DLG2: variants seen among roughly 807,000 people sequenced by gnomAD.
The protein encoded by DLG2 is discs large MAGUK scaffold protein 2.
A neutral mutation model predicts 132.5 loss-of-function variants in DLG2; 45 were observed. The observed-to-expected ratio is 0.34, with a 90% confidence interval of 0.27 to 0.44. The LOEUF (loss-of-function observed/expected upper bound fraction) is 0.44. DLG2 is among the 20% of genes least tolerant of loss of function. DLG2 has a pLI of 1.00. For missense variants in DLG2, 1,045 were observed against 1,196.9 expected (o/e 0.87, Z 1.87); for synonymous variants, 424 against 419.6 (o/e 1.01, Z -0.13).
At chr11:83,964,766 C>T (rs2089793170) in intron 13 of DLG2, among the ~76,000 whole-genome samples, 1 of 151,856 alleles carries the variant, frequency 6.6e-6, no homozygotes, top group Non-Finnish European at 1.5e-5. Flanking sequence ...TGCAGAAGTC[C>T]CACTTCCAGC....
At chr11:84,430,112 C>G (rs2098979618) in intron 7 of DLG2, among the ~76,000 whole-genome samples, 1 of 152,026 alleles carries the variant, frequency 6.6e-6, no homozygotes, top group South Asian at 2.1e-4. Context: ...TGGCAAAATC[C>G]CATAACATCT....
At chr11:85,608,690 C>G (rs1053608156) in intron 2 of DLG2, among the ~76,000 whole-genome samples, 9 of 152,068 alleles carry the variant, frequency 5.9e-5, no homozygotes, top group African/African-American at 1.4e-4. Context: ...CCCCTTCAAG[C>G]TGTAGGGGGT....
At chr11:85,390,252 A>G (rs572969134) in intron 3 of DLG2, among the ~76,000 whole-genome samples, 3 of 152,214 alleles carry the variant, frequency 2.0e-5, no homozygotes, top group South Asian at 2.1e-4. Flanking sequence ...GTTGAAAAAA[A>G]AAGGAGAGAC....
At chr11:83,881,878 T>G (rs574209698) in intron 15 of DLG2, among the ~76,000 whole-genome samples, 2 of 152,354 alleles carry the variant, frequency 1.3e-5, no homozygotes, top group African/African-American at 4.8e-5. Flanking sequence ...GCCTTGTCTC[T>G]ATCAAGAGTA....
intron 18 of DLG2, among the ~76,000 whole-genome samples, chr11:83,666,101 AAT>A (rs2075481127): frequency 6.6e-6 from 1 of 152,188 alleles, no homozygotes. Flanking sequence ...CTCATTATTC[AAT>A]AGTTTTTTAT....
At chr11:83,865,459 A>G (rs113607732) in intron 16 of DLG2, among the ~76,000 whole-genome samples, 1 of 151,432 alleles carries the variant, frequency 6.6e-6, no homozygotes. Context: ...TGAACAGCGA[A>G]AAAAAAAAGA....
intron 7 of DLG2, among the ~76,000 whole-genome samples, chr11:84,359,475 G>A (rs890309789): frequency 6.6e-6 from 1 of 151,850 alleles, no homozygotes; most frequent in Non-Finnish European, 1.5e-5. Context: ...AATATTTGCT[G>A]TTATTAGCAA....
At chr11:84,305,017 G>T (rs2098199968) in intron 7 of DLG2, among the ~76,000 whole-genome samples, 1 of 152,084 alleles carries the variant, frequency 6.6e-6, no homozygotes, top group Non-Finnish European at 1.5e-5. Flanking sequence ...TTTTTAAAAT[G>T]TAGTGCCTTT....
chr11:83,937,008 T>C (rs1446652597), intron 14 of DLG2, among the ~76,000 whole-genome samples: 2 of 152,218 alleles, frequency 1.3e-5, no homozygotes, highest in Non-Finnish European at 2.9e-5. Flanking sequence ...ATATGTCCTA[T>C]ACTAGTGTTT....
At chr11:84,865,954 G>A (rs1600227361) in intron 6 of DLG2, among the ~76,000 whole-genome samples, 1 of 152,204 alleles carries the variant, frequency 6.6e-6, no homozygotes, top group Non-Finnish European at 1.5e-5. Flanking sequence ...CTTAGAATCT[G>A]CTACAGGCTG....
chr11:85,222,447 A>G (rs2074709565), intron 4 of DLG2, among the ~76,000 whole-genome samples: 4 of 152,230 alleles, frequency 2.6e-5, no homozygotes, highest in Admixed American at 6.5e-5. Flanking sequence ...CAGTCTAAAA[A>G]GAGGGAATTT....
At chr11:84,037,532 G>C (rs1052781462) in intron 11 of DLG2, among the ~76,000 whole-genome samples, 1 of 152,048 alleles carries the variant, frequency 6.6e-6, no homozygotes, top group African/African-American at 2.4e-5. Flanking sequence ...GTAAAAAACT[G>C]TATTTCAAGA....
chr11:83,773,177 G>C (rs552874301), intron 18 of DLG2, among the ~76,000 whole-genome samples: 1 of 152,254 alleles, frequency 6.6e-6, no homozygotes, highest in South Asian at 2.1e-4. Context: ...AGAGCATCTG[G>C]GTGCAAGTTT....
chr11:83,581,709 T>G (rs764687254), intron 19 of DLG2, among the ~76,000 whole-genome samples: 1 of 152,152 alleles, frequency 6.6e-6, no homozygotes, highest in African/African-American at 2.4e-5. Flanking sequence ...ACATTGAATC[T>G]GGAGTGTGCC....
chr11:84,913,829 T>C (rs2092283933), intron 6 of DLG2, among the ~76,000 whole-genome samples: 1 of 152,244 alleles, frequency 6.6e-6, no homozygotes, highest in South Asian at 2.1e-4. Flanking sequence ...TTAAAACTGA[T>C]TCATTAGTTT....
At chr11:84,564,846 C>T (rs1276620799) in intron 6 of DLG2, among the ~76,000 whole-genome samples, 1 of 152,154 alleles carries the variant, frequency 6.6e-6, no homozygotes, top group African/African-American at 2.4e-5. Flanking sequence ...CCTGTGTTTG[C>T]ACATTCTGTC....
intron 4 of DLG2, among the ~76,000 whole-genome samples, chr11:85,190,760 G>A (rs915036471): frequency 2.3e-4 from 35 of 152,136 alleles, no homozygotes; most frequent in African/African-American, 7.7e-4. Context: ...AAAGAAAAAT[G>A]TTTGATATCA....
intron 3 of DLG2, among the ~76,000 whole-genome samples, chr11:85,351,625 T>C (rs1191549986): frequency 3.9e-5 from 6 of 152,232 alleles, no homozygotes; most frequent in African/African-American, 1.4e-4. Context: ...TGAAGAGCTA[T>C]TGAATTTTGT....
intron 3 of DLG2, among the ~76,000 whole-genome samples, chr11:85,493,481 G>C (rs2093606665): frequency 6.6e-6 from 1 of 152,130 alleles, no homozygotes; most frequent in Non-Finnish European, 1.5e-5. Context: ...CTAGAACAAA[G>C]TACCATGAAC....
Sources: allele counts gnomAD v4.1 joint callset (sites outside exome capture counted in the v4.1 genomes callset), GRCh38; gene constraint gnomAD v4.1.1; transcripts MANE v1.5; gene names NCBI Gene and HGNC (gene_info 2026-07-23, HGNC 2026-07-21).